TFB1M: variants seen among roughly 807,000 people sequenced by gnomAD.
TFB1M encodes the protein dimethyladenosine transferase 1, mitochondrial.
Under a neutral mutation model 31.1 loss-of-function variants are expected in TFB1M, and 27 were observed. The observed-to-expected ratio is 0.87, with a 90% CI of 0.64 to 1.20. TFB1M has a LOEUF of 1.20. Among genes scored for constraint, TFB1M ranks in the 50% most tolerant of loss-of-function variants. TFB1M has a pLI of 0.00. For synonymous variants in TFB1M, 166 were observed against 151.8 expected, an observed-to-expected ratio of 1.09 and a Z score of -0.69; for missense variants, 394 against 418.7, an observed-to-expected ratio of 0.94 and a Z score of 0.51.
intron 1 of TFB1M, among the ~76,000 whole-genome samples, chr6:155,312,486 G>A (rs1778056237): frequency 6.6e-6 from 1 of 152,158 alleles, no homozygotes; most frequent in South Asian, 2.1e-4. Context: ...CTCTCAGAGG[G>A]AACAGGAATG....
chr6:155,304,442 T>C (rs1358993972), intron 2 of TFB1M, among the ~76,000 whole-genome samples: 5 of 152,160 alleles, frequency 3.3e-5, no homozygotes, highest in African/African-American at 4.8e-5. Flanking sequence ...ACCAGGCATA[T>C]TCTCCTACCT....
chr6:155,260,406 T>C lies in TFB1M; in HGVS notation c.667-6A>G. On this transcript the variant is annotated splice_polypyrimidine_tract_variant and splice_region_variant and intron_variant, in intron 5 of 6. Transcript: ENST00000367166. ...TGCACCACGCCCACGTCCACCTTCG[T>C]TGTAAGCAAACATATTATCATTCTG... 6.2e-7 allele frequency: 1 copy of C among 1,614,208 alleles called. No homozygotes were observed. The highest frequency in any genetic ancestry group is 8.5e-7 in the Non-Finnish European group (1 of 1,180,034).
chr6:155,305,159 T>C (rs1241247032), intron 2 of TFB1M, among the ~76,000 whole-genome samples: 2 of 104,342 alleles, frequency 1.9e-5, no homozygotes, highest in African/African-American at 7.9e-5. Context: ...TAAATATATA[T>C]TAAATTATAT....
the TFB1M span, among the ~76,000 whole-genome samples, chr6:155,230,082 A>G: frequency 2.6e-3 from 390 of 152,066 alleles, 3 homozygotes; most frequent in African/African-American, 8.8e-3. Flanking sequence ...TGTACCACCG[A>G]GAGTACAAAT....
In TFB1M at chr6:155,256,900, C is replaced by CG. The variant is rs775681893; in HGVS notation, c.*935dup. On this transcript the variant is annotated 3_prime_UTR_variant, in exon 7 of 7. Transcript: ENST00000367166. ...AGGAGGAGAGCAGCCCAAACTGGTCCGGGGGCACTTCTGCCCCATTAAACG... is the reference window on the plus strand; with the variant it reads ...AGGAGGAGAGCAGCCCAAACTGGTCCGGGGGGCACTTCTGCCCCATTAAACG... 24 of 1,614,020 alleles carry CG rather than the reference C, an allele frequency of 1.5e-5. No homozygotes were observed. The South Asian group carries it at 1.6e-4, about 11-fold the overall frequency.
intron 2 of TFB1M, among the ~76,000 whole-genome samples, chr6:155,307,965 A>C (rs56102134): frequency 0.015 from 2,260 of 152,150 alleles, 65 homozygotes; most frequent in African/African-American, 0.051. Flanking sequence ...GGTACGAGTG[A>C]TTTACGAATT....
the TFB1M span, among the ~76,000 whole-genome samples, chr6:155,248,999 GAC>G: frequency 6.6e-6 from 1 of 152,146 alleles, no homozygotes; most frequent in Non-Finnish European, 1.5e-5. Context: ...ATTTTTGTAT[GAC>G]AGTTAACTTC....
At chr6:155,308,621 C>T (rs532960682) in intron 2 of TFB1M, among the ~76,000 whole-genome samples, 1 of 152,270 alleles carries the variant, frequency 6.6e-6, no homozygotes, top group East Asian at 1.9e-4. Context: ...CTATACTAAA[C>T]ATACTAGACA....
At chr6:155,286,487 GTA>G (rs1264398954) in intron 4 of TFB1M, among the ~76,000 whole-genome samples, 2 of 13,832 alleles carry the variant, frequency 1.4e-4, no homozygotes, top group African/African-American at 3.3e-4. Flanking sequence ...ATATGTGTGT[GTA>G]TATATATGTG....
intron 2 of TFB1M, among the ~76,000 whole-genome samples, chr6:155,300,536 T>C (rs1777377504): frequency 6.6e-6 from 1 of 152,204 alleles, no homozygotes; most frequent in South Asian, 2.1e-4. Context: ...TTTTCTATAA[T>C]TATGTTCACA....
At chr6:155,308,667 T>A (rs1777889598) in intron 2 of TFB1M, among the ~76,000 whole-genome samples, 1 of 152,224 alleles carries the variant, frequency 6.6e-6, no homozygotes, top group Admixed American at 6.5e-5. Flanking sequence ...TGAGCATGAA[T>A]CCTGTATGTT....
the TFB1M span, among the ~76,000 whole-genome samples, chr6:155,246,627 C>T: frequency 0.036 from 5,545 of 152,232 alleles, 353 homozygotes; most frequent in African/African-American, 0.13. Context: ...TGAGCCACCA[C>T]GCCTGGCCCA....
chr6:155,267,766 AC>A (rs1341230504), intron 5 of TFB1M, among the ~76,000 whole-genome samples: 1 of 152,182 alleles, frequency 6.6e-6, no homozygotes, highest in African/African-American at 2.4e-5. Flanking sequence ...GACAAGAATG[AC>A]CTAATTTGTA....
In TFB1M at chr6:155,257,562, A is replaced by AGAT. The variant is rs1171666920; in HGVS notation, c.*271_*273dup. The AGAT allele has an allele frequency of 1.3e-5, 5 of 378,242 alleles. No homozygotes were observed. In the East Asian group the frequency reaches 2.6e-4, roughly 20 times the overall value. 23.4% of individuals were successfully genotyped at this position (378,242 alleles called of 1,614,324 possible). The stretch of plus-strand genomic sequence containing the variant: ...AATGTGGTTTAGGGGCAAAATGTGC[A>AGAT]GATACTTCATTTTTGTAAGATAGAT... On this transcript the variant is annotated 3_prime_UTR_variant, in exon 7 of 7. Coordinates refer to ENST00000367166, the MANE Select transcript of TFB1M (RefSeq NM_016020.4).
At chr6:155,239,523 G>A in the TFB1M span, among the ~76,000 whole-genome samples, 1 of 152,240 alleles carries the variant, frequency 6.6e-6, no homozygotes, top group Non-Finnish European at 1.5e-5. Flanking sequence ...AGCAACTGTG[G>A]AAGCGTTTCA....
chr6:155,250,691 G>A, the TFB1M span: 1 of 1,397,514 alleles, frequency 7.2e-7, no homozygotes, highest in Non-Finnish European at 9.8e-7. Flanking sequence ...GCGTGCACTG[G>A]AGCAAAATGC....
At chr6:155,294,388 A>G (rs907556247) in intron 4 of TFB1M, among the ~76,000 whole-genome samples, 2 of 152,250 alleles carry the variant, frequency 1.3e-5, no homozygotes, top group Admixed American at 1.3e-4. Flanking sequence ...AACAACATGC[A>G]ATAGAGTAGA....
chr6:155,270,014 T>C (rs1439005944), intron 5 of TFB1M, among the ~76,000 whole-genome samples: 3 of 152,332 alleles, frequency 2.0e-5, no homozygotes, highest in Non-Finnish European at 2.9e-5. Flanking sequence ...TGCGCTACAG[T>C]GGAAGCAGAA....
chr6:155,236,658 G>A, the TFB1M span, among the ~76,000 whole-genome samples: 1 of 152,098 alleles, frequency 6.6e-6, no homozygotes, highest in Non-Finnish European at 1.5e-5. Flanking sequence ...GCAAGACTCT[G>A]TCTCAAAAAA....
Sources: allele counts gnomAD v4.1 joint callset (sites outside exome capture counted in the v4.1 genomes callset), GRCh38; gene constraint gnomAD v4.1.1; transcripts MANE v1.5; gene names NCBI Gene and HGNC (gene_info 2026-07-23, HGNC 2026-07-21).